MGAT4C: variants seen among roughly 807,000 people sequenced by gnomAD.
The protein encoded by MGAT4C is alpha-1,3-mannosyl-glycoprotein 4-beta-N-acetylglucosaminyltransferase C.
In MGAT4C, 19 loss-of-function variants were observed where a neutral mutation model predicts 40.1. That is an observed-to-expected ratio of 0.47 (90% CI 0.33 to 0.70). The LOEUF (loss-of-function observed/expected upper bound fraction) is 0.70, where lower values mean the gene tolerates loss of function less well. Among genes scored for constraint, MGAT4C ranks in the 30% least tolerant of loss-of-function variants. The pLI, the probability that MGAT4C is intolerant of heterozygous loss-of-function variation, is 0.02. For synonymous variants in MGAT4C, 181 were observed against 187.1 expected, an observed-to-expected ratio of 0.97 and a Z score of 0.27; for missense variants, 491 against 563.2, an observed-to-expected ratio of 0.87 and a Z score of 1.30.
At chr12:86,239,741 C>T (rs1355651403) in intron 1 of MGAT4C, among the ~76,000 whole-genome samples, 11 of 151,654 alleles carry the variant, frequency 7.3e-5, no homozygotes, top group African/African-American at 2.7e-4. Flanking sequence ...TTTTACTTTA[C>T]TCTAATAATG....
upstream of MGAT4C, among the ~76,000 whole-genome samples, chr12:86,256,606 C>T (rs1952527503): frequency 6.6e-6 from 1 of 152,062 alleles, no homozygotes; most frequent in Non-Finnish European, 1.5e-5. Flanking sequence ...ACTGAAAATA[C>T]TGCCCTCTAA....
intron 2 of MGAT4C, among the ~76,000 whole-genome samples, chr12:86,465,683 C>G (rs192368513): frequency 6.6e-6 from 1 of 152,172 alleles, no homozygotes; most frequent in South Asian, 2.1e-4. Context: ...CAATCAGATA[C>G]CCTGCAAGCC....
At position 85,958,655 on chromosome 12, in the gene MGAT4C, A is replaced by G. The variant is rs1882947474; in HGVS notation, c.*20634T>C. ...CAGTAAGTGTTGGCAACTATGAATT[A>G]ATCTTTGACAAATTCACTTACAACT... On this transcript the variant is annotated 3_prime_UTR_variant, in exon 5 of 5. Transcript: ENST00000611864. 1 of 152,140 alleles carries G rather than the reference A, an allele frequency of 6.6e-6. No individual in the cohort carries two copies. Among genetic ancestry groups the G allele is most frequent in the Admixed American group, 6.6e-5 (1 of 15,258 alleles). 9.4% of individuals were successfully genotyped at this position (152,140 alleles called of 1,614,324 possible).
intron 2 of MGAT4C, among the ~76,000 whole-genome samples, chr12:86,489,921 T>C (rs1395264166): frequency 6.6e-6 from 1 of 152,136 alleles, no homozygotes; most frequent in Non-Finnish European, 1.5e-5. Flanking sequence ...TATGGGACTA[T>C]GTGAAAAGAC....
chr12:86,256,994 C>T (rs1952538429), upstream of MGAT4C, among the ~76,000 whole-genome samples: 2 of 151,862 alleles, frequency 1.3e-5, no homozygotes, highest in African/African-American at 4.8e-5. Context: ...TGTAATAAAC[C>T]TTAAAGTTTA....
intron 4 of MGAT4C, among the ~76,000 whole-genome samples, chr12:86,329,286 G>C (rs1247581941): frequency 1.3e-5 from 2 of 152,108 alleles, no homozygotes; most frequent in Non-Finnish European, 2.9e-5. Flanking sequence ...GCTCACGCCT[G>C]TAATCCCAGC....
At chr12:86,062,334 C>A (rs1328017244) in intron 1 of MGAT4C, among the ~76,000 whole-genome samples, 1 of 152,086 alleles carries the variant, frequency 6.6e-6, no homozygotes, top group African/African-American at 2.4e-5. Flanking sequence ...GCGTCAAGAT[C>A]AAATAAAAGG....
chr12:86,350,107 A>G (rs1268106134), intron 3 of MGAT4C, among the ~76,000 whole-genome samples: 1 of 152,026 alleles, frequency 6.6e-6, no homozygotes, highest in African/African-American at 2.4e-5. Context: ...GGGAAACTCA[A>G]AGTTTAGGGC....
intron 3 of MGAT4C, among the ~76,000 whole-genome samples, chr12:86,415,923 C>T (rs1956701255): frequency 6.6e-6 from 1 of 151,764 alleles, no homozygotes; most frequent in Non-Finnish European, 1.5e-5. Context: ...TCTAATTACA[C>T]AAAAAAGATT....
chr12:86,527,472 T>G (rs1218865207), intron 2 of MGAT4C, among the ~76,000 whole-genome samples: 1 of 152,142 alleles, frequency 6.6e-6, no homozygotes, highest in East Asian at 1.9e-4. Flanking sequence ...GCTTTGTCTA[T>G]TTGGGGTATT....
At chr12:86,062,266 A>G (rs1318813790) in intron 1 of MGAT4C, among the ~76,000 whole-genome samples, 2 of 152,202 alleles carry the variant, frequency 1.3e-5, no homozygotes, top group African/African-American at 4.8e-5. Flanking sequence ...AAACTCCAGC[A>G]GACCTGCAGC....
intron 2 of MGAT4C, among the ~76,000 whole-genome samples, chr12:86,457,816 A>G (rs979328083): frequency 1.1e-4 from 16 of 152,220 alleles, no homozygotes; most frequent in African/African-American, 3.6e-4. Flanking sequence ...GAACCTTGTT[A>G]AGAAAAACAA....
intron 1 of MGAT4C, among the ~76,000 whole-genome samples, chr12:86,221,348 C>T (rs1337210076): frequency 2.0e-5 from 3 of 152,050 alleles, no homozygotes; most frequent in Non-Finnish European, 4.4e-5. Flanking sequence ...AGTGGCCTCA[C>T]TCTGGTTAAA....
rs929037688 is a variant in MGAT4C, at chr12:85,957,864, G to A, written c.*21425C>T. The A allele has an allele frequency of 3.3e-5, 5 of 151,864 alleles. No individual in the cohort carries two copies. Among genetic ancestry groups the A allele is most frequent in the African/African-American group, 1.2e-4 (5 of 41,358 alleles). The allele number at this position is 151,864 out of a possible 1,614,324, so 9.4% of individuals were successfully genotyped here. A position where few individuals can be genotyped will look rare whatever the true frequency, so the allele number is the denominator to read the frequency against. On this transcript the variant is annotated 3_prime_UTR_variant, in exon 5 of 5. Transcript: ENST00000611864. The stretch of plus-strand genomic sequence containing the variant: ...TAATGGGAACCACCTTTATTTATTG[G>A]CTTTTGTTGCTTTTTCTCCAAGAAA...
chr12:86,582,208 T>C (rs1960810018), intron 2 of MGAT4C, among the ~76,000 whole-genome samples: 2 of 151,486 alleles, frequency 1.3e-5, no homozygotes, highest in South Asian at 4.1e-4. Context: ...GATGTTTGTG[T>C]TGAGACAATT....
intron 4 of MGAT4C, among the ~76,000 whole-genome samples, chr12:86,306,192 A>G (rs964764316): frequency 1.3e-5 from 2 of 150,394 alleles, no homozygotes; most frequent in Non-Finnish European, 2.9e-5. Flanking sequence ...TTATGACCCT[A>G]CAGTTCCACT....
rs112378877 is a variant in MGAT4C, at chr12:86,076,438, C to T, written c.-56-26715G>A. Among the ~76,000 whole-genome samples the T allele has an allele frequency of 5.0e-3, 768 of 152,278 alleles. 8 individuals carry two copies. The highest frequency in any genetic ancestry group is 0.017 in the African/African-American group (713 of 41,542). Reference sequence around the variant, plus strand: ...TCTGTCTGTTACCCAGTTCCAAAGTCGCTTCCACAGTTTCAGGTATCTTTT... The same window carrying T: ...TCTGTCTGTTACCCAGTTCCAAAGTTGCTTCCACAGTTTCAGGTATCTTTT... On this transcript the variant is annotated intron_variant, in intron 1 of 4. Coordinates refer to ENST00000611864, the MANE Select transcript of MGAT4C (RefSeq NM_001351288.2).
At chr12:86,740,499 A>G (rs1951051971) in intron 1 of MGAT4C, among the ~76,000 whole-genome samples, 1 of 151,254 alleles carries the variant, frequency 6.6e-6, no homozygotes, top group Non-Finnish European at 1.5e-5. Context: ...AGAATATTAA[A>G]TTAGAACAAA....
intron 2 of MGAT4C, among the ~76,000 whole-genome samples, chr12:86,521,786 T>A (rs924141298): frequency 6.6e-6 from 1 of 152,084 alleles, no homozygotes; most frequent in Non-Finnish European, 1.5e-5. Context: ...CTTTGGGCAG[T>A]GTTTTGTAGT....
Sources: allele counts gnomAD v4.1 joint callset (sites outside exome capture counted in the v4.1 genomes callset), GRCh38; gene constraint gnomAD v4.1.1; transcripts MANE v1.5; gene names NCBI Gene and HGNC (gene_info 2026-07-23, HGNC 2026-07-21).